NTM: variants seen among roughly 807,000 people sequenced by gnomAD.
NTM encodes the protein IgLON family member 2.
In NTM, 13 loss-of-function variants were observed where a neutral mutation model predicts 42.1. The observed-to-expected ratio is 0.31, with a 90% CI of 0.20 to 0.49. The LOEUF (loss-of-function observed/expected upper bound fraction) is 0.49. NTM is among the 20% of genes least tolerant of loss of function. The pLI is 0.99. For synonymous variants in NTM, 187 were observed against 179.2 expected (o/e 1.04, Z -0.35); for missense variants, 373 against 452.8 (o/e 0.82, Z 1.60).
chr11:131,526,515 A>C (rs1220352474), intron 1 of NTM, among the ~76,000 whole-genome samples: 2 of 152,226 alleles, frequency 1.3e-5, no homozygotes, highest in Admixed American at 6.5e-5. Flanking sequence ...TTTTAATCTG[A>C]GCTGTTTTCG....
intron 2 of NTM, among the ~76,000 whole-genome samples, chr11:131,982,626 G>C (rs1046044155): frequency 2.0e-5 from 3 of 152,138 alleles, no homozygotes; most frequent in Non-Finnish European, 2.9e-5. Flanking sequence ...AAAATGAAAG[G>C]GGGGGCAGGG....
intron 1 of NTM, among the ~76,000 whole-genome samples, chr11:131,624,080 C>G (rs926844007): frequency 6.6e-6 from 1 of 152,232 alleles, no homozygotes; most frequent in African/African-American, 2.4e-5. Context: ...ACCTTGTACT[C>G]TGTGCAGAGG....
intron 2 of NTM, among the ~76,000 whole-genome samples, chr11:132,025,068 C>A (rs1424387131): frequency 6.6e-6 from 1 of 152,138 alleles, no homozygotes; most frequent in East Asian, 1.9e-4. Flanking sequence ...TCGTGTGGCA[C>A]CAGCACCTTG....
intron 1 of NTM, among the ~76,000 whole-genome samples, chr11:131,617,499 G>A (rs1204947774): frequency 6.6e-6 from 1 of 152,138 alleles, no homozygotes; most frequent in Non-Finnish European, 1.5e-5. Flanking sequence ...TAAAGTGAAA[G>A]TATGAGCTGA....
chr11:132,325,321 C>T (rs1374468265), intron 7 of NTM, among the ~76,000 whole-genome samples: 1 of 151,554 alleles, frequency 6.6e-6, no homozygotes, highest in Non-Finnish European at 1.5e-5. Flanking sequence ...AACAAATTTA[C>T]AAGAAAAAAA....
At chr11:131,579,265 AAGAC>A (rs1592108653) in intron 1 of NTM, among the ~76,000 whole-genome samples, 1 of 152,312 alleles carries the variant, frequency 6.6e-6, no homozygotes, top group East Asian at 1.9e-4. Context: ...GCAGCAAAAG[AAGAC>A]AGAGAGAAAA....
chr11:132,065,849 G>T (rs908117005), intron 2 of NTM, among the ~76,000 whole-genome samples: 3 of 152,202 alleles, frequency 2.0e-5, no homozygotes. Context: ...AACTCAGAAA[G>T]GTACAGAAAC....
At chr11:131,542,183 C>A (rs1364309649) in intron 1 of NTM, among the ~76,000 whole-genome samples, 1 of 152,158 alleles carries the variant, frequency 6.6e-6, no homozygotes, top group African/African-American at 2.4e-5. Flanking sequence ...TTCTAATGAG[C>A]CCACAGGGGA....
chr11:132,246,025 G>T (rs940401274), intron 4 of NTM, among the ~76,000 whole-genome samples: 3 of 152,196 alleles, frequency 2.0e-5, no homozygotes, highest in African/African-American at 7.2e-5. Flanking sequence ...GCTGCCCCGG[G>T]CTAGAGGAGA....
chr11:131,425,522 G>A (rs4936131), intron 1 of NTM, among the ~76,000 whole-genome samples: 12,316 of 152,224 alleles, frequency 0.081, 1,757 homozygotes, highest in East Asian at 0.62. Context: ...AGCCAGGGTC[G>A]AATATTGGCT....
chr11:132,190,276 G>A (rs1435907952), intron 3 of NTM, among the ~76,000 whole-genome samples: 1 of 152,150 alleles, frequency 6.6e-6, no homozygotes, highest in Non-Finnish European at 1.5e-5. Flanking sequence ...AATGAGATAG[G>A]CCAGGAAGCT....
intron 1 of NTM, among the ~76,000 whole-genome samples, chr11:131,845,538 G>A (rs551699546): frequency 2.6e-5 from 4 of 151,898 alleles, no homozygotes; most frequent in South Asian, 2.1e-4. Context: ...CCAGAGAGCC[G>A]GGGGAACAAT....
chr11:131,430,290 C>T (rs576418921), intron 1 of NTM, among the ~76,000 whole-genome samples: 19 of 152,286 alleles, frequency 1.2e-4, no homozygotes, highest in African/African-American at 4.3e-4. Flanking sequence ...TATTTTTAAA[C>T]TATGAGGAAG....
Position 132,146,172 on chromosome 11 carries a change from T to C in NTM, c.168-110T>C, listed in dbSNP as rs1445113081. The C allele has an allele frequency of 1.4e-6, 2 of 1,471,898 alleles. No individual in the cohort carries two copies. Among genetic ancestry groups the C allele is most frequent in the Non-Finnish European group, 1.8e-6 (2 of 1,096,204 alleles). The allele number at this position is 1,471,898 out of a possible 1,614,324, so 91.2% of individuals were successfully genotyped here. A position where few individuals can be genotyped will look rare whatever the true frequency, so the allele number is the denominator to read the frequency against. ...TGACAAATCAAAGGAAATGTATGTG[T>C]TGGGGGAAGGGAGAAAGACAAGATA... On this transcript the variant is annotated intron_variant, in intron 2 of 8. Transcript: ENST00000683400. This position sits in a 1 kb window ranked among gnomAD's most constrained non-coding sequence, Gnocchi z 4.5.
chr11:132,105,547 A>G (rs1030940800), intron 2 of NTM, among the ~76,000 whole-genome samples: 2 of 152,176 alleles, frequency 1.3e-5, no homozygotes, highest in Non-Finnish European at 2.9e-5. Flanking sequence ...GGTAAGCAGG[A>G]GGAATGGAGA....
intron 1 of NTM, among the ~76,000 whole-genome samples, chr11:131,549,730 G>A (rs1565628069): frequency 6.6e-6 from 1 of 152,188 alleles, no homozygotes. Context: ...CATTGTATTG[G>A]AGGTTATTCA....
At chr11:131,460,225 A>G (rs544596460) in intron 1 of NTM, among the ~76,000 whole-genome samples, 1 of 152,322 alleles carries the variant, frequency 6.6e-6, no homozygotes, top group East Asian at 1.9e-4. Flanking sequence ...TGAGGAATAG[A>G]AGGAACAGAG....
intron 1 of NTM, among the ~76,000 whole-genome samples, chr11:131,847,441 T>C (rs994836438): frequency 2.6e-5 from 4 of 152,116 alleles, no homozygotes; most frequent in African/African-American, 9.6e-5. Flanking sequence ...AAATAGACCA[T>C]TGTACATCTG....
intron 2 of NTM, among the ~76,000 whole-genome samples, chr11:132,061,264 C>T (rs914896853): frequency 2.0e-5 from 3 of 152,172 alleles, no homozygotes; most frequent in Non-Finnish European, 4.4e-5. Flanking sequence ...TTAGCATTGG[C>T]ATATTTTTTG....
Sources: allele counts gnomAD v4.1 joint callset (sites outside exome capture counted in the v4.1 genomes callset), GRCh38; gene constraint gnomAD v4.1.1; non-coding constraint Gnocchi (gnomAD v3.1); transcripts MANE v1.5; gene names NCBI Gene and HGNC (gene_info 2026-07-23, HGNC 2026-07-21).